Variants in EML4 observed in about 807,000 individuals in gnomAD.
EML4 encodes echinoderm microtubule-associated protein-like 4.
A neutral mutation model predicts 129.0 loss-of-function variants in EML4; 72 were observed. The ratio of observed to expected loss-of-function variants is 0.56; its 90% CI spans 0.46 to 0.68. The LOEUF (loss-of-function observed/expected upper bound fraction) is 0.68. EML4 is among the 30% of genes least tolerant of loss of function. The pLI, the probability that EML4 is intolerant of heterozygous loss-of-function variation, is 0.00. For missense variants in EML4, 1,363 were observed against 1,190.6 expected (o/e 1.14, Z -2.13); for synonymous variants, 532 against 405.0 (o/e 1.31, Z -3.77).
chr2:42,274,273 G>A (rs1365084882), intron 6 of EML4, among the ~76,000 whole-genome samples: 3 of 152,078 alleles, frequency 2.0e-5, no homozygotes, highest in Non-Finnish European at 2.9e-5. Context: ...GTAAAATACA[G>A]ATTAAAAAAT....
At chr2:42,278,712 T>C (rs1000143670) in intron 6 of EML4, among the ~76,000 whole-genome samples, 1 of 151,496 alleles carries the variant, frequency 6.6e-6, no homozygotes, top group Admixed American at 6.6e-5. Flanking sequence ...GGTGGTTAGA[T>C]CACCTGAGGT....
chr2:42,307,420 G>T (rs887137720), intron 17 of EML4, among the ~76,000 whole-genome samples: 1 of 152,214 alleles, frequency 6.6e-6, no homozygotes, highest in East Asian at 1.9e-4. Context: ...ATCTAGGGGA[G>T]ATGTAGTTGT....
intron 1 of EML4, among the ~76,000 whole-genome samples, chr2:42,203,329 G>A (rs1672347329): frequency 6.6e-6 from 1 of 152,026 alleles, no homozygotes; most frequent in Non-Finnish European, 1.5e-5. Context: ...TTCCATCTGT[G>A]GTAGCCCTTT....
chr2:42,258,248 T>C (rs868680492), intron 3 of EML4, among the ~76,000 whole-genome samples: 11 of 152,196 alleles, frequency 7.2e-5, no homozygotes, highest in Admixed American at 3.3e-4. Flanking sequence ...TCTGTAATCT[T>C]GTTGAAGAAT....
chr2:42,212,476 A>AT (rs200482527), intron 1 of EML4, among the ~76,000 whole-genome samples: 2,387 of 148,336 alleles, frequency 0.016, 46 homozygotes, highest in East Asian at 0.047. Flanking sequence ...TCGGCAGTAG[A>AT]TTTTTTTTTT....
intron 1 of EML4, among the ~76,000 whole-genome samples, chr2:42,225,822 T>C (rs1214523948): frequency 6.6e-6 from 1 of 152,188 alleles, no homozygotes; most frequent in African/African-American, 2.4e-5. Flanking sequence ...TTACATATGT[T>C]AATTTTCTCA....
At chr2:42,208,110 T>A (rs1672667789) in intron 1 of EML4, 1 of 152,216 alleles carries the variant, frequency 6.6e-6, no homozygotes, top group South Asian at 2.1e-4. Context: ...TTACTACCTT[T>A]TCAACTCATG....
Position 42,261,161 on chromosome 2 carries a change from G to GA in EML4, c.387dup (p.Glu130ArgfsTer6). The GA allele has an allele frequency of 1.9e-6, 3 of 1,612,220 alleles. No individual in the cohort carries two copies. The highest frequency in any genetic ancestry group is 8.5e-7 in the Non-Finnish European group (1 of 1,179,042). On this transcript the variant is annotated frameshift_variant, in exon 4 of 23. Transcript: ENST00000318522. LOFTEE classifies it high-confidence loss of function. Reference sequence around the variant, plus strand: ...GAAAGAAAAACCACAAGGACAGAGAGAAAAAAAAGAGGAATCTCATTCTAA... The same window carrying GA: ...GAAAGAAAAACCACAAGGACAGAGAGAAAAAAAAAGAGGAATCTCATTCTAA...
chr2:42,326,926 T>TTAAC (rs1311447972), intron 21 of EML4, among the ~76,000 whole-genome samples: 6 of 152,130 alleles, frequency 3.9e-5, no homozygotes, highest in Non-Finnish European at 7.4e-5. Context: ...GTATACTTAG[T>TTAAC]TGTGTGACCA....
rs920770976 is a variant in EML4 at position 42,290,473 on chromosome 2, T to A, written c.1218+2151T>A. Among the ~76,000 whole-genome samples the A allele has an allele frequency of 5.9e-5, 9 of 151,500 alleles. No homozygotes were observed. In the East Asian group the frequency reaches 9.8e-4, roughly 16 times the overall value. Reference sequence around the variant, plus strand: ...TGGGTGCTGTGGCTCACGCCTATAATCCGAGTACTTTGGGAGGCCAAGGCA... The same window carrying A: ...TGGGTGCTGTGGCTCACGCCTATAAACCGAGTACTTTGGGAGGCCAAGGCA... On this transcript the variant is annotated intron_variant, in intron 11 of 22. Coordinates refer to ENST00000318522, the MANE Select transcript of EML4 (RefSeq NM_019063.5).
intron 3 of EML4, among the ~76,000 whole-genome samples, chr2:42,260,573 A>G (rs1278174907): frequency 6.6e-6 from 1 of 152,232 alleles, no homozygotes; most frequent in East Asian, 1.9e-4. Context: ...TAGTTTTCAT[A>G]GAAATTGCAA....
intron 1 of EML4, among the ~76,000 whole-genome samples, chr2:42,240,474 G>A (rs1234579564): frequency 2.0e-5 from 3 of 152,104 alleles, no homozygotes; most frequent in African/African-American, 7.2e-5. Context: ...TTTTAAAAGT[G>A]TGTTTTGGTG....
intron 1 of EML4, among the ~76,000 whole-genome samples, chr2:42,178,974 T>G (rs532556050): frequency 6.6e-6 from 1 of 152,324 alleles, no homozygotes; most frequent in East Asian, 1.9e-4. Context: ...GATATTTTGG[T>G]GAGAAGCAGG....
chr2:42,221,403 C>CTTTTTTTTTTTT lies in EML4; in HGVS notation c.26-24089_26-24078dup, dbSNP rs74816568. ...AGCACATTGTTTACAACATGGTTTA[C>CTTTTTTTTTTTT]TTTTTTTTTTTTTTTTTTTTTTTTG... On this transcript the variant is annotated intron_variant, in intron 1 of 22. Transcript: ENST00000318522. Among the ~76,000 whole-genome samples the CTTTTTTTTTTTT allele has an allele frequency of 5.4e-4, 58 of 108,250 alleles. 5 individuals are homozygous for CTTTTTTTTTTTT. Among genetic ancestry groups the CTTTTTTTTTTTT allele is most frequent in the African/African-American group, 1.4e-3 (43 of 30,364 alleles). 71.0% of individuals were successfully genotyped at this position (108,250 alleles called of 152,430 possible). A position where few individuals can be genotyped will look rare whatever the true frequency, so the allele number is the denominator to read the frequency against.
chr2:42,176,091 C>G (rs1050215254), intron 1 of EML4, among the ~76,000 whole-genome samples: 1 of 151,586 alleles, frequency 6.6e-6, no homozygotes, highest in Admixed American at 6.6e-5. Context: ...CCCTCAGGTA[C>G]ATACCTGAAT....
chr2:42,270,971 C>A (rs541882598), intron 6 of EML4, among the ~76,000 whole-genome samples: 2 of 152,224 alleles, frequency 1.3e-5, no homozygotes, highest in South Asian at 4.1e-4. Flanking sequence ...TCACAGCTCA[C>A]TGCAGCCTTG....
At position 42,288,317 on chromosome 2, in the gene EML4, A is replaced by G; in HGVS notation, c.1213A>G (p.Ile405Val). 1 of 1,523,784 alleles carries G rather than the reference A, an allele frequency of 6.6e-7. No homozygotes were observed. The highest frequency in any genetic ancestry group is 9.0e-7 in the Non-Finnish European group (1 of 1,107,292). The allele number at this position is 1,523,784 out of a possible 1,614,324, so 94.4% of individuals were successfully genotyped here. Residue 405 changes from isoleucine (I) to valine (V), a missense_variant, in exon 11 of 23, where the codon ATA (isoleucine) becomes GTA (valine). Ile to Val is a conservative substitution (Grantham distance 29). Transcript: ENST00000318522. Reference sequence around the variant, plus strand: ...GCAGAAGAAAGCAAAAGGAGCAGAAATAAAGGTAAATTTTTAAAAAACCGA... The same window carrying G: ...GCAGAAGAAAGCAAAAGGAGCAGAAGTAAAGGTAAATTTTTAAAAAACCGA... ...DWQKKAKGAE[I>V]KTTNEVVLAV...
rs184058041 is a variant in EML4 at position 42,176,749 on chromosome 2, C to A, written c.25+7113C>A. On this transcript the variant is annotated intron_variant, in intron 1 of 22. Transcript: ENST00000318522. ...GTGAAAGTAATTATTACAGATCTTACAATTGTTATGTCTTATTTCCCTGAG... is the reference window on the plus strand; with the variant it reads ...GTGAAAGTAATTATTACAGATCTTAAAATTGTTATGTCTTATTTCCCTGAG... Among the ~76,000 whole-genome samples the A allele has an allele frequency of 3.9e-5, 6 of 152,242 alleles. 1 individual carries two copies. In the South Asian group the frequency reaches 8.3e-4, roughly 21 times the overall value.
At position 42,297,884 on chromosome 2, in the gene EML4, C is replaced by G. The variant is rs1163338330; in HGVS notation, c.1489+2368C>G. 3.3e-5 allele frequency among the ~76,000 whole-genome samples: 5 copies of G among 152,102 alleles called. No homozygotes were observed. In the East Asian group the frequency reaches 9.7e-4, roughly 29 times the overall value. ...AACTGTATTTTATGTCTTAAAAGTG[C>G]TTTTATATATTTTTTTCTTGTTTCC... is the stretch of plus-strand genomic sequence containing the variant. On this transcript the variant is annotated intron_variant, in intron 13 of 22. Transcript: ENST00000318522.
Sources: allele counts gnomAD v4.1 joint callset (sites outside exome capture counted in the v4.1 genomes callset), GRCh38; gene constraint gnomAD v4.1.1; transcripts MANE v1.5; gene names NCBI Gene and HGNC (gene_info 2026-07-23, HGNC 2026-07-21).